The following COG5 variants were observed in gnomAD, a reference collection of about 807,000 sequenced individuals.
COG5 encodes the protein conserved oligomeric Golgi complex subunit 5.
Under a neutral mutation model 110.4 loss-of-function variants are expected in COG5, and 86 were observed. The ratio of observed to expected loss-of-function variants is 0.78; its 90% CI spans 0.65 to 0.93. The LOEUF is 0.93. COG5 is among the 40% of genes least tolerant of loss of function. The probability of loss-of-function intolerance (pLI) is 0.00; values close to 1 mark genes in which losing one functional copy is unlikely to be tolerated. For missense variants in COG5, 1,077 were observed against 987.0 expected, an observed-to-expected ratio of 1.09 and a Z score of -1.22; for synonymous variants, 360 against 334.6, an observed-to-expected ratio of 1.08 and a Z score of -0.83.
intron 12 of COG5, among the ~76,000 whole-genome samples, chr7:107,287,785 A>G (rs1051174299): frequency 1.3e-5 from 2 of 152,150 alleles, no homozygotes; most frequent in Admixed American, 1.3e-4. Flanking sequence ...TTCACTTAGT[A>G]TAATGTTTTC....
chr7:107,424,554 A>T (rs1793516621), intron 6 of COG5, among the ~76,000 whole-genome samples: 1 of 151,870 alleles, frequency 6.6e-6, no homozygotes, highest in Non-Finnish European at 1.5e-5. Flanking sequence ...AAATATATCA[A>T]ACAGAGCTAT....
At chr7:107,513,300 CTCA>C (rs1799675106) in intron 6 of COG5, among the ~76,000 whole-genome samples, 1 of 152,032 alleles carries the variant, frequency 6.6e-6, no homozygotes, top group South Asian at 2.1e-4. Flanking sequence ...TGAAAAAATG[CTCA>C]TCATCACTGG....
chr7:107,370,044 T>G (rs1353043959), intron 8 of COG5, among the ~76,000 whole-genome samples: 1 of 152,174 alleles, frequency 6.6e-6, no homozygotes, highest in African/African-American at 2.4e-5. Flanking sequence ...TTTTTCTTAT[T>G]GAGTTACAGG....
chr7:107,258,189 A>T, intron 15 of COG5, 84 bp downstream of exon 15: 1 of 790,128 alleles, frequency 1.3e-6, no homozygotes, highest in Non-Finnish European at 2.2e-6. Flanking sequence ...TTTCCAAAGT[A>T]CTAAATAACA....
chr7:107,216,591 G>A (rs1033521984), intron 19 of COG5, among the ~76,000 whole-genome samples: 4 of 151,942 alleles, frequency 2.6e-5, no homozygotes, highest in African/African-American at 9.7e-5. Context: ...ATCAATAATA[G>A]GAAAAATCTT....
intron 7 of COG5, among the ~76,000 whole-genome samples, chr7:107,388,181 C>A (rs1391010109): frequency 2.0e-5 from 3 of 152,166 alleles, no homozygotes; most frequent in Non-Finnish European, 4.4e-5. Flanking sequence ...AATCTCCACA[C>A]GTGTTAACCC....
intron 14 of COG5, among the ~76,000 whole-genome samples, chr7:107,261,597 C>A (rs1803356004): frequency 6.6e-6 from 1 of 152,020 alleles, no homozygotes; most frequent in South Asian, 2.1e-4. Context: ...TGCTGTTGAC[C>A]CTGCAATACT....
chr7:107,230,594 G>C (rs1419047813), intron 19 of COG5, 21 bp downstream of exon 19: 3 of 1,564,704 alleles, frequency 1.9e-6, no homozygotes, highest in Admixed American at 3.3e-5. Context: ...ATGAATGTAT[G>C]AACAAAGAAT....
intron 1 of COG5, chr7:107,563,481 C>T: frequency 4.7e-6 from 2 of 421,158 alleles, no homozygotes; most frequent in South Asian, 4.2e-5. Flanking sequence ...GCGGCAGCAG[C>T]CGGTGGCTGC....
intron 6 of COG5, among the ~76,000 whole-genome samples, chr7:107,420,828 C>G (rs188464442): frequency 2.2e-4 from 33 of 152,340 alleles, no homozygotes; most frequent in Admixed American, 2.0e-3. Flanking sequence ...AGAATAGCCT[C>G]AGGCTTAAGT....
At chr7:107,339,534 A>G (rs988548339) in intron 10 of COG5, among the ~76,000 whole-genome samples, 4 of 152,094 alleles carry the variant, frequency 2.6e-5, no homozygotes, top group African/African-American at 9.7e-5. Flanking sequence ...CCTAATAGAT[A>G]TCTACAGGAT....
intron 6 of COG5, among the ~76,000 whole-genome samples, chr7:107,433,650 C>T (rs1248014458): frequency 6.6e-6 from 1 of 152,142 alleles, no homozygotes; most frequent in Non-Finnish European, 1.5e-5. Context: ...GTACCATTAC[C>T]TTAGCTATAC....
chr7:107,545,414 G>A (rs113876832), intron 5 of COG5, among the ~76,000 whole-genome samples: 4 of 152,118 alleles, frequency 2.6e-5, no homozygotes, highest in African/African-American at 9.7e-5. Flanking sequence ...GGAATCCCAA[G>A]ATGGCTATGA....
At chr7:107,280,007 T>A (rs1403240874) in intron 14 of COG5, among the ~76,000 whole-genome samples, 1 of 152,120 alleles carries the variant, frequency 6.6e-6, no homozygotes, top group Non-Finnish European at 1.5e-5. Flanking sequence ...TCTATATACA[T>A]GCTGGATCTT....
chr7:107,399,514 T>C (rs965465513), intron 7 of COG5, among the ~76,000 whole-genome samples: 5 of 152,108 alleles, frequency 3.3e-5, no homozygotes, highest in Admixed American at 2.6e-4. Flanking sequence ...CACACACTCC[T>C]CTCTCTTGCC....
chr7:107,522,009 C>G (rs553487349), intron 6 of COG5, among the ~76,000 whole-genome samples: 1 of 152,210 alleles, frequency 6.6e-6, no homozygotes, highest in East Asian at 1.9e-4. Flanking sequence ...CCTCAGCAAA[C>G]TAGCACAGGA....
chr7:107,535,803 C>T (rs1801544930), intron 5 of COG5, among the ~76,000 whole-genome samples: 1 of 152,176 alleles, frequency 6.6e-6, no homozygotes, highest in Admixed American at 6.5e-5. Context: ...CTCCCTAACT[C>T]ATTTTATGAG....
chr7:107,227,478 G>C (rs866510881), intron 19 of COG5, among the ~76,000 whole-genome samples: 1 of 152,072 alleles, frequency 6.6e-6, no homozygotes. Flanking sequence ...ATAGGTATTA[G>C]AAGGTGTCAC....
chr7:107,465,808 T>C (rs28714607), intron 6 of COG5, among the ~76,000 whole-genome samples: 40,482 of 152,090 alleles, frequency 0.27, 5,518 homozygotes, highest in East Asian at 0.33. Context: ...TCAGGCTCTT[T>C]ATATAAAGAA....
Sources: allele counts gnomAD v4.1 joint callset (sites outside exome capture counted in the v4.1 genomes callset), GRCh38; gene constraint gnomAD v4.1.1; transcripts MANE v1.5; gene names NCBI Gene and HGNC (gene_info 2026-07-23, HGNC 2026-07-21).